The following ATRNL1 variants were observed in gnomAD, a reference collection of about 807,000 sequenced individuals.
ATRNL1 encodes attractin-like protein 1.
In ATRNL1, 95 loss-of-function variants were observed where a neutral mutation model predicts 182.7. The ratio of observed to expected loss-of-function variants is 0.52; its 90% CI spans 0.44 to 0.62. ATRNL1 has a LOEUF of 0.62. Ranked by LOEUF, ATRNL1 falls within the 20% of genes least tolerant of loss-of-function variation. ATRNL1 has a pLI of 0.00. For missense variants in ATRNL1, 1,471 were observed against 1,679.5 expected (o/e 0.88, Z 2.17); for synonymous variants, 576 against 568.3 (o/e 1.01, Z -0.19).
At chr10:115,497,889 C>T (rs544500341) in intron 24 of ATRNL1, among the ~76,000 whole-genome samples, 210 of 151,784 alleles carry the variant, frequency 1.4e-3, no homozygotes, top group African/African-American at 4.5e-3. Flanking sequence ...ATCTCCTGAC[C>T]TCATGATCCA....
intron 26 of ATRNL1, among the ~76,000 whole-genome samples, chr10:115,569,363 G>A (rs1326317712): frequency 1.3e-5 from 2 of 152,020 alleles, no homozygotes; most frequent in Non-Finnish European, 2.9e-5. Flanking sequence ...TATAATTATA[G>A]GATAAATTCC....
At chr10:115,364,425 A>C (rs1414957953) in intron 19 of ATRNL1, among the ~76,000 whole-genome samples, 86 of 147,460 alleles carry the variant, frequency 5.8e-4, no homozygotes, top group African/African-American at 1.7e-3. Flanking sequence ...TTGGGCTGAG[A>C]CAATGGGGTT....
chr10:115,581,713 C>T (rs781823078), intron 26 of ATRNL1, among the ~76,000 whole-genome samples: 31 of 151,032 alleles, frequency 2.1e-4, no homozygotes, highest in African/African-American at 4.4e-4. Flanking sequence ...TTACAAAGTT[C>T]GGAAGATATG....
At chr10:115,474,228 A>G (rs1448455161) in intron 24 of ATRNL1, among the ~76,000 whole-genome samples, 5 of 151,320 alleles carry the variant, frequency 3.3e-5, no homozygotes, top group Non-Finnish European at 7.4e-5. Context: ...ATTGCCAGGT[A>G]AGGTATTCTT....
intron 1 of ATRNL1, among the ~76,000 whole-genome samples, chr10:115,115,916 G>A (rs1554869808): frequency 4.6e-5 from 7 of 151,990 alleles, no homozygotes; most frequent in Non-Finnish European, 1.5e-5. Flanking sequence ...TTTATTAGTG[G>A]CCAACCTTGT....
intron 27 of ATRNL1, among the ~76,000 whole-genome samples, chr10:115,843,293 G>A (rs1950852408): frequency 6.6e-6 from 1 of 152,090 alleles, no homozygotes. Context: ...AAGAGAGGAA[G>A]TGAGCATAGG....
chr10:115,390,242 GC>G (rs1291600834), intron 19 of ATRNL1, among the ~76,000 whole-genome samples: 1 of 152,036 alleles, frequency 6.6e-6, no homozygotes, highest in African/African-American at 2.4e-5. Flanking sequence ...TTTTGCATGT[GC>G]TTTTGGGAAA....
At chr10:115,812,611 G>A (rs1233683750) in intron 27 of ATRNL1, among the ~76,000 whole-genome samples, 8 of 151,976 alleles carry the variant, frequency 5.3e-5, no homozygotes, top group African/African-American at 1.7e-4. Context: ...CAAGCAGCTG[G>A]GATTACAGGT....
chr10:115,723,470 A>G (rs1413795212), intron 26 of ATRNL1, among the ~76,000 whole-genome samples: 10 of 152,180 alleles, frequency 6.6e-5, no homozygotes. Context: ...ATCTGTATTC[A>G]TATTTGATAG....
intron 1 of ATRNL1, among the ~76,000 whole-genome samples, chr10:115,107,111 C>T (rs1554866203): frequency 2.0e-5 from 3 of 152,188 alleles, no homozygotes; most frequent in Non-Finnish European, 2.9e-5. Context: ...CATTATGCCC[C>T]ACCTCTCAAC....
Position 115,712,664 on chromosome 10 carries a change from C to T in ATRNL1, c.3796-14584C>T, listed in dbSNP as rs531523645. On this transcript the variant is annotated intron_variant, in intron 26 of 28. Coordinates refer to ENST00000355044, the MANE Select transcript of ATRNL1 (RefSeq NM_207303.4). ...GGTGGATCACTTGAGGTCAGGAGTT[C>T]GAGACCAGCCTGGCCAACATGGTGC... Among the ~76,000 whole-genome samples the T allele has an allele frequency of 2.0e-4, 31 of 152,016 alleles. No individual in the cohort carries two copies. The South Asian group carries it at 5.4e-3, about 27-fold the overall frequency.
chr10:115,784,552 C>G lies in ATRNL1; in HGVS notation c.3903+57197C>G, dbSNP rs569296234. Among the ~76,000 whole-genome samples the G allele has an allele frequency of 1.1e-4, 17 of 152,256 alleles. No individual in the cohort carries two copies. In the South Asian group the frequency reaches 3.1e-3, roughly 28 times the overall value. On this transcript the variant is annotated intron_variant, in intron 27 of 28. Coordinates refer to ENST00000355044, the MANE Select transcript of ATRNL1 (RefSeq NM_207303.4). ...TTGTCATAAACTTGGTGACTTTAAA[C>G]AATAAAAATGTATTCTCTCTCAGTC...
intron 26 of ATRNL1, among the ~76,000 whole-genome samples, chr10:115,557,049 T>C (rs1853355020): frequency 6.6e-6 from 1 of 152,110 alleles, no homozygotes; most frequent in African/African-American, 2.4e-5. Flanking sequence ...CTTTAGCTTC[T>C]ACTCTGACAG....
chr10:115,476,019 T>C (rs887851219), intron 24 of ATRNL1, among the ~76,000 whole-genome samples: 1 of 151,320 alleles, frequency 6.6e-6, no homozygotes, highest in Non-Finnish European at 1.5e-5. Context: ...AAATCGTTGA[T>C]TTTAGAACTT....
In ATRNL1 at chr10:115,460,457, C is replaced by A. The variant is rs80031824; in HGVS notation, c.3323-1484C>A. Among the ~76,000 whole-genome samples the A allele has an allele frequency of 6.4e-4, 97 of 152,132 alleles. 1 individual carries two copies. In the East Asian group the frequency reaches 0.018, roughly 29 times the overall value. On this transcript the variant is annotated intron_variant, in intron 21 of 28. Coordinates refer to ENST00000355044, the MANE Select transcript of ATRNL1 (RefSeq NM_207303.4). ...TTGCCTTTCTTTCTTAAAAAGGCTG[C>A]ATTCTTTTATAGCTAATCCTGTTTG... is the stretch of plus-strand genomic sequence containing the variant.
At chr10:115,789,250 G>A (rs190689500) in intron 27 of ATRNL1, among the ~76,000 whole-genome samples, 1 of 152,282 alleles carries the variant, frequency 6.6e-6, no homozygotes, top group African/African-American at 2.4e-5. Context: ...ATGTAAATGA[G>A]AAAGGGTAGA....
At chr10:115,199,761 G>A (rs1395184694) in intron 8 of ATRNL1, among the ~76,000 whole-genome samples, 2 of 152,018 alleles carry the variant, frequency 1.3e-5, no homozygotes, top group Non-Finnish European at 2.9e-5. Context: ...GGCATTAGTG[G>A]GAAAATGTAA....
intron 26 of ATRNL1, among the ~76,000 whole-genome samples, chr10:115,642,035 G>T (rs1427683619): frequency 1.3e-5 from 2 of 152,076 alleles, no homozygotes; most frequent in East Asian, 3.9e-4. Context: ...CAGAGCAATA[G>T]AGTTATTACT....
chr10:115,929,058 G>A (rs1271270939), intron 28 of ATRNL1, among the ~76,000 whole-genome samples: 1 of 152,074 alleles, frequency 6.6e-6, no homozygotes, highest in Non-Finnish European at 1.5e-5. Flanking sequence ...AAACATGAGA[G>A]AATCAAAATC....
Sources: gnomAD v4.1 joint callset for allele counts (sites outside exome capture counted in the v4.1 genomes callset) on GRCh38, gnomAD v4.1.1 for gene constraint, MANE v1.5 for transcripts, NCBI Gene and HGNC (gene_info 2026-07-23, HGNC 2026-07-21) for gene names.